Variants in RNGTT observed in about 807,000 individuals in gnomAD.
RNGTT encodes the protein mRNA-capping enzyme.
Under a neutral mutation model 79.3 loss-of-function variants are expected in RNGTT, and 33 were observed. The observed-to-expected ratio is 0.42, with a 90% CI of 0.32 to 0.56. The LOEUF (loss-of-function observed/expected upper bound fraction) is 0.56. Ranked by LOEUF, RNGTT falls within the 20% of genes least tolerant of loss-of-function variation. The pLI, the probability that RNGTT is intolerant of heterozygous loss-of-function variation, is 0.17. For synonymous variants in RNGTT, 222 were observed against 235.9 expected (o/e 0.94, Z 0.54); for missense variants, 497 against 739.1 (o/e 0.67, Z 3.80).
intron 8 of RNGTT, 143 bp downstream of exon 8, chr6:88,890,351 CA>C: frequency 1.7e-6 from 1 of 605,490 alleles, no homozygotes; most frequent in Non-Finnish European, 2.8e-6. Context: ...CTAGCAAAAC[CA>C]AAAATATATA....
chr6:88,930,559 T>A (rs1784487736), intron 2 of RNGTT, among the ~76,000 whole-genome samples: 1 of 151,910 alleles, frequency 6.6e-6, no homozygotes, highest in African/African-American at 2.4e-5. Flanking sequence ...TAAAAAAAAG[T>A]TTCATTTTCT....
intron 12 of RNGTT, among the ~76,000 whole-genome samples, chr6:88,779,608 C>T (rs981120237): frequency 6.6e-6 from 1 of 152,208 alleles, no homozygotes; most frequent in South Asian, 2.1e-4. Flanking sequence ...CATCTCATTG[C>T]ACATCAAATC....
At chr6:88,618,268 A>T (rs1772308438) in intron 14 of RNGTT, among the ~76,000 whole-genome samples, 2 of 152,252 alleles carry the variant, frequency 1.3e-5, no homozygotes, top group Admixed American at 1.3e-4. Flanking sequence ...CACCAGTTAT[A>T]GTCCCAAGAT....
At chr6:88,874,812 T>C (rs1262303046) in intron 8 of RNGTT, among the ~76,000 whole-genome samples, 1 of 152,120 alleles carries the variant, frequency 6.6e-6, no homozygotes, top group Non-Finnish European at 1.5e-5. Context: ...ACTTATTTCC[T>C]ATATAAAATT....
At chr6:88,915,489 C>A (rs1012505288) in intron 4 of RNGTT, among the ~76,000 whole-genome samples, 2 of 152,170 alleles carry the variant, frequency 1.3e-5, no homozygotes, top group South Asian at 4.1e-4. Context: ...AGCTGGAGGC[C>A]ATTATCCCAA....
chr6:88,755,197 A>G (rs1346722664), intron 13 of RNGTT, among the ~76,000 whole-genome samples: 1 of 152,190 alleles, frequency 6.6e-6, no homozygotes, highest in Non-Finnish European at 1.5e-5. Context: ...TAGGCAAAAA[A>G]TTCAGATTAA....
At chr6:88,827,879 G>C (rs1780723928) in intron 11 of RNGTT, among the ~76,000 whole-genome samples, 1 of 152,176 alleles carries the variant, frequency 6.6e-6, no homozygotes, top group African/African-American at 2.4e-5. Context: ...AAGAAAGGCA[G>C]CAGCCCCAGT....
At position 88,611,328 on chromosome 6, in the gene RNGTT, A is replaced by C. The variant is rs1334383062; in HGVS notation, c.*1391T>G. Reference sequence around the variant, plus strand: ...GTTGGATTTCGTGTCTGACTGAATCAGTAGAAGAATATACACTTGCATATA... The same window carrying C: ...GTTGGATTTCGTGTCTGACTGAATCCGTAGAAGAATATACACTTGCATATA... On this transcript the variant is annotated 3_prime_UTR_variant, in exon 16 of 16. Coordinates refer to ENST00000369485, the MANE Select transcript of RNGTT (RefSeq NM_003800.5). 6.5e-6 allele frequency: 1 copy of C among 152,688 alleles called. No homozygotes were observed. The highest frequency in any genetic ancestry group is 1.9e-4 in the East Asian group (1 of 5,202). The allele number at this position is 152,688 out of a possible 1,614,324, so 9.5% of individuals were successfully genotyped here.
Position 88,817,749 on chromosome 6 carries a change from ATTTTTTTTTTTTTT to A in RNGTT, c.1270-16131_1270-16118del, listed in dbSNP as rs71554802. On this transcript the variant is annotated intron_variant, in intron 11 of 15. Transcript: ENST00000369485. The stretch of plus-strand genomic sequence containing the variant: ...TTCACCATCCAAGTCTATTCACATC[ATTTTTTTTTTTTTT>A]TTTTTTTTTTTTTTGAGACGGAGTC... Among the ~76,000 whole-genome samples the A allele has an allele frequency of 1.3e-4, 9 of 71,570 alleles. No homozygotes were observed. In the South Asian group the frequency reaches 4.0e-3, roughly 32 times the overall value. 47.0% of individuals were successfully genotyped at this position (71,570 alleles called of 152,430 possible).
intron 1 of RNGTT, among the ~76,000 whole-genome samples, chr6:88,944,852 A>C (rs1166516779): frequency 5.3e-5 from 8 of 152,190 alleles, no homozygotes; most frequent in Non-Finnish European, 1.2e-4. Flanking sequence ...TCTCCTCCTG[A>C]ATGTGACTAC....
chr6:88,906,270 C>G (rs1027272849), intron 5 of RNGTT, 95 bp downstream of exon 5: 3 of 702,720 alleles, frequency 4.3e-6, no homozygotes, highest in Non-Finnish European at 7.2e-6. Context: ...ATCATGAGTT[C>G]ACCAAAAACT....
intron 13 of RNGTT, among the ~76,000 whole-genome samples, chr6:88,684,497 A>G (rs1330338156): frequency 6.6e-6 from 1 of 152,228 alleles, no homozygotes; most frequent in Non-Finnish European, 1.5e-5. Context: ...GTCCTTGAAT[A>G]GGTGAAAATA....
At chr6:88,697,543 T>C (rs1225073865) in intron 13 of RNGTT, among the ~76,000 whole-genome samples, 1 of 148,942 alleles carries the variant, frequency 6.7e-6, no homozygotes, top group African/African-American at 2.5e-5. Context: ...AAAGCAAGAC[T>C]GTCTCAAAAA....
At chr6:88,720,775 A>C (rs956322153) in intron 13 of RNGTT, among the ~76,000 whole-genome samples, 3 of 152,152 alleles carry the variant, frequency 2.0e-5, no homozygotes, top group African/African-American at 7.2e-5. Flanking sequence ...AAGGAAAAAA[A>C]GGTAAATCTG....
intron 11 of RNGTT, among the ~76,000 whole-genome samples, chr6:88,809,110 A>G (rs1231203635): frequency 6.6e-6 from 1 of 152,202 alleles, no homozygotes; most frequent in Non-Finnish European, 1.5e-5. Context: ...TTAATATAAG[A>G]CAATGAGAAC....
chr6:88,892,009 T>A, intron 6 of RNGTT, 94 bp from the exon 7 acceptor site: 2 of 849,022 alleles, frequency 2.4e-6, no homozygotes, highest in Non-Finnish European at 3.5e-6. Context: ...ATAAATTAGT[T>A]TGTTCTCACA....
intron 14 of RNGTT, among the ~76,000 whole-genome samples, chr6:88,654,463 A>G (rs1389649176): frequency 2.6e-5 from 4 of 152,156 alleles, no homozygotes; most frequent in Non-Finnish European, 4.4e-5. Context: ...AAAAACATGA[A>G]ATCACTTGGG....
At chr6:88,852,383 TA>T (rs950181141) in intron 9 of RNGTT, among the ~76,000 whole-genome samples, 23 of 152,112 alleles carry the variant, frequency 1.5e-4, no homozygotes, top group Admixed American at 9.2e-4. Flanking sequence ...ATTATAATGC[TA>T]AAAAAAGTAC....
intron 11 of RNGTT, among the ~76,000 whole-genome samples, chr6:88,818,550 G>A (rs1175431597): frequency 6.6e-6 from 1 of 152,164 alleles, no homozygotes; most frequent in Non-Finnish European, 1.5e-5. Flanking sequence ...ACTCCAGTCT[G>A]GGCAACCAGA....
Sources: allele counts gnomAD v4.1 joint callset (sites outside exome capture counted in the v4.1 genomes callset), GRCh38; gene constraint gnomAD v4.1.1; transcripts MANE v1.5; gene names NCBI Gene and HGNC (gene_info 2026-07-23, HGNC 2026-07-21).